The following TYMP variants were observed in gnomAD, a reference collection of about 807,000 sequenced individuals.
The protein encoded by TYMP is gliostatin.
In TYMP, 46 loss-of-function variants were observed where a neutral mutation model predicts 42.3. The ratio of observed to expected loss-of-function variants is 1.09; its 90% CI spans 0.86 to 1.39. The LOEUF (loss-of-function observed/expected upper bound fraction) is 1.39, where lower values mean the gene tolerates loss of function less well. Among genes scored for constraint, TYMP ranks in the 40% most tolerant of loss-of-function variants. The pLI is 0.00. For synonymous variants in TYMP, 363 were observed against 308.0 expected (o/e 1.18, Z -1.87); for missense variants, 837 against 677.6 (o/e 1.24, Z -2.61).
chr22:50,529,173 A>C lies in TYMP; in HGVS notation c.380T>G (p.Leu127Arg). 6.2e-7 allele frequency: 1 copy of C among 1,613,306 alleles called. No individual in the cohort carries two copies. Among genetic ancestry groups the C allele is most frequent in the Non-Finnish European group, 8.5e-7 (1 of 1,180,000 alleles). Residue 127 changes from leucine to arginine, a missense_variant, in exon 3 of 10, where the codon CTG becomes CGG. Transcript: ENST00000252029. ...STGGVGDKVS[L>R]VLAPALAACG... ...TGCCGCCAGGGCAGGTGCGAGGACC[A>C]GGCTGACCTTGTCACCCACACCCCC... is the stretch of plus-strand genomic sequence containing the variant.
Position 50,526,686 on chromosome 22 carries a change from A to G in TYMP, c.818T>C (p.Met273Thr), listed in dbSNP as rs1374755652. The change falls in exon 7 of 10, where the codon ATG (methionine) becomes ACG (threonine). Residue 273 changes from methionine to threonine, a missense_variant. Met to Thr is a moderately conservative substitution (Grantham distance 81, BLOSUM62 -1). Transcript: ENST00000252029. The stretch of plus-strand genomic sequence containing the variant: ...CACGCAGCGACCCAGGGGCTTGTCC[A>G]TGGCGGTCAGCGCTGCCGCGACCCG... ...GLRVAAALTA[M>T]DKPLGRCVGH... 5 of 1,546,438 alleles carry G rather than the reference A, an allele frequency of 3.2e-6. No homozygotes were observed. Among genetic ancestry groups the G allele is most frequent in the East Asian group, 2.4e-5 (1 of 41,298 alleles).
chr22:50,526,270 C>T lies in TYMP; in HGVS notation c.1135G>A (p.Glu379Lys), dbSNP rs753745471. 24 of 1,542,462 alleles carry T rather than the reference C, an allele frequency of 1.6e-5. No individual in the cohort carries two copies. Among genetic ancestry groups the T allele is most frequent in the Non-Finnish European group, 2.0e-5 (23 of 1,154,858 alleles). The change falls in exon 8 of 10, where the codon GAG (glutamate) becomes AAG (lysine). Residue 379 changes from glutamate to lysine, a missense_variant. By Grantham distance (56) the Glu-to-Lys change is moderately conservative. Transcript: ENST00000252029. ...RQLLPRAREQ[E>K]ELLAPADGTV... ...CCATCTGCGGGCGCCAGCAGCTCCT[C>T]CTGCTCCCGGGCGCGAGGCAGCAGC...
intron 8 of TYMP, 49 bp downstream of exon 8, chr22:50,526,197 G>A (rs989792811): frequency 2.7e-6 from 4 of 1,485,224 alleles, no homozygotes; most frequent in African/African-American, 1.5e-5. Flanking sequence ...GCCTCGGGAA[G>A]GGAAGGGGAT....
At chr22:50,527,053 A>G (rs1163791540) in intron 6 of TYMP, 112 bp downstream of exon 6, 10 of 896,468 alleles carry the variant, frequency 1.1e-5, no homozygotes, top group African/African-American at 3.3e-5. Context: ...AGAGGGTGGG[A>G]CTGGGGTTAG....
At position 50,526,653 on chromosome 22, in the gene TYMP, G is replaced by A. The variant is rs888768135; in HGVS notation, c.851C>T (p.Ala284Val). ...GAGCAGCGCCTCCTCCACCTCCAGGGCGTGGCCCACGCAGCGACCCAGGGG... is the reference window on the plus strand; with the variant it reads ...GAGCAGCGCCTCCTCCACCTCCAGGACGTGGCCCACGCAGCGACCCAGGGG... Reference protein sequence around the residue: ...DKPLGRCVGHALEVEEALLCM... With the variant: ...DKPLGRCVGHVLEVEEALLCM... The change falls in exon 7 of 10, where the codon GCC (alanine) becomes GTC (valine). Residue 284 changes from alanine (A) to valine (V), a missense_variant. Coordinates refer to ENST00000252029, the MANE Select transcript of TYMP (RefSeq NM_001953.5). 5 of 1,562,288 alleles carry A rather than the reference G, an allele frequency of 3.2e-6. No homozygotes were observed. Among genetic ancestry groups the A allele is most frequent in the Non-Finnish European group, 4.3e-6 (5 of 1,155,916 alleles).
Position 50,529,721 on chromosome 22 carries a change from T to C in TYMP, c.-10-2A>G. 1 of 1,603,848 alleles carries C rather than the reference T, an allele frequency of 6.2e-7. No individual in the cohort carries two copies. The highest frequency in any genetic ancestry group is 8.5e-7 in the Non-Finnish European group (1 of 1,176,010). On this transcript the variant is annotated splice_acceptor_variant, in intron 1 of 9. Transcript: ENST00000252029. LOFTEE classifies it low-confidence loss of function (5UTR_SPLICE). ...ATCAAGGCTGCCATCGCTCCGGGCCTGCGGGGATGCCTGACACGTCCGGGG... is the reference window on the plus strand; with the variant it reads ...ATCAAGGCTGCCATCGCTCCGGGCCCGCGGGGATGCCTGACACGTCCGGGG...
chr22:50,526,710 C>G lies in TYMP; in HGVS notation c.794G>C (p.Arg265Pro), dbSNP rs2069401085. The G allele has an allele frequency of 6.5e-7, 1 of 1,539,782 alleles. No homozygotes were observed. The highest frequency in any genetic ancestry group is 8.7e-7 in the Non-Finnish European group (1 of 1,147,382). Reference protein sequence around the residue: ...LVGVGASLGLRVAAALTAMDK... With the variant: ...LVGVGASLGLPVAAALTAMDK... Reference sequence around the variant, plus strand: ...CATGGCGGTCAGCGCTGCCGCGACCCGAAGCCCTAGGCTGGCTCCCACGCC... The same window carrying G: ...CATGGCGGTCAGCGCTGCCGCGACCGGAAGCCCTAGGCTGGCTCCCACGCC... The change falls in exon 7 of 10, where the codon CGG becomes CCG. Residue 265 changes from arginine (R) to proline (P), a missense_variant. Physicochemically the swap from Arg to Pro is moderately radical, Grantham distance 103. Transcript: ENST00000252029.
intron 4 of TYMP, chr22:50,528,148 A>G (rs979725645): frequency 1.3e-5 from 5 of 388,348 alleles, no homozygotes; most frequent in Admixed American, 1.1e-4. Flanking sequence ...AGTAGCTGGA[A>G]CCACATGCGT....
rs766401914 is a variant in TYMP at position 50,529,315 on chromosome 22, G to A, written c.238C>T (p.Leu80Phe). 5.6e-6 allele frequency: 9 copies of A among 1,613,304 alleles called. No individual in the cohort carries two copies. The highest frequency in any genetic ancestry group is 7.6e-6 in the Non-Finnish European group (9 of 1,180,020). Reference protein sequence around the residue: ...QIGAMLMAIRLRGMDLEETSV... With the variant: ...QIGAMLMAIRFRGMDLEETSV... ...GTCTCCTCCAGATCCATGCCCCGAA[G>A]TCGGATGGCCATCAGCATGGCCCCT... Residue 80 changes from leucine (L) to phenylalanine (F), a missense_variant, in exon 3 of 10, where the codon CTT becomes TTT. Physicochemically the swap from Leu to Phe is conservative, Grantham distance 22 (BLOSUM62 0). Coordinates refer to ENST00000252029, the MANE Select transcript of TYMP (RefSeq NM_001953.5).
Position 50,525,760 on chromosome 22 carries a change from C to T in TYMP, c.*10G>A, listed in dbSNP as rs369012029. On this transcript the variant is annotated 3_prime_UTR_variant, in exon 10 of 10. Transcript: ENST00000252029. Reference sequence around the variant, plus strand: ...CCCAAGCACTGACAAGGTTTCGCGGCAAAGGAGCTTTATTGCTGCGGCGGC... The same window carrying T: ...CCCAAGCACTGACAAGGTTTCGCGGTAAAGGAGCTTTATTGCTGCGGCGGC... The T allele has an allele frequency of 1.5e-4, 244 of 1,610,126 alleles. No homozygotes were observed. The highest frequency in any genetic ancestry group is 5.0e-4 in the Middle Eastern group (3 of 6,018).
At position 50,527,578 on chromosome 22, in the gene TYMP, G is replaced by A. The variant is rs1415980268; in HGVS notation, c.646+10C>T. On this transcript the variant is annotated intron_variant, in intron 5 of 9. Transcript: ENST00000252029. ...TGAACATGCAGAAGCAGGCCATGGAGTCAGGTCACCTGTGATGAGTGGCAG... is the reference window on the plus strand; with the variant it reads ...TGAACATGCAGAAGCAGGCCATGGAATCAGGTCACCTGTGATGAGTGGCAG... 2.5e-6 allele frequency: 4 copies of A among 1,613,984 alleles called. No homozygotes were observed. Among genetic ancestry groups the A allele is most frequent in the East Asian group, 2.2e-5 (1 of 44,880 alleles).
Position 50,526,059 on chromosome 22 carries a change from C to G in TYMP, c.1242G>C (p.Pro414=). Residue 414 remains proline, a synonymous_variant, in exon 9 of 10, where the codon CCG becomes CCC. Coordinates refer to ENST00000252029, the MANE Select transcript of TYMP (RefSeq NM_001953.5). ...LGAGRSRAGE[P]LRLGVGAELL... ...GCTCTGCGCCCACCCCCAGGCGGAG[C>G]GGCTCCCCAGCGCGGCTGCGCCCGG... The G allele has an allele frequency of 6.7e-7, 1 of 1,482,380 alleles. No individual in the cohort carries two copies. The highest frequency in any genetic ancestry group is 8.9e-7 in the Non-Finnish European group (1 of 1,124,164). The allele number at this position is 1,482,380 out of a possible 1,614,324, so 91.8% of individuals were successfully genotyped here. A position where few individuals can be genotyped will look rare whatever the true frequency, so the allele number is the denominator to read the frequency against.
At chr22:50,527,139 G>A (rs371776314) in intron 6 of TYMP, 26 bp downstream of exon 6, 6 of 1,581,200 alleles carry the variant, frequency 3.8e-6, no homozygotes, top group Non-Finnish European at 8.7e-7. Flanking sequence ...CAAGACGCTT[G>A]CCCAGGGAAA....
rs183160819 is a variant in TYMP at position 50,525,973 on chromosome 22, G to A, written c.1300+28C>T. Reference sequence around the variant, plus strand: ...GCGGCCGGAGCTGGGCGGGGGTGCGGGGCCAGCAGGGCGGGGGCGGCGCTC... The same window carrying A: ...GCGGCCGGAGCTGGGCGGGGGTGCGAGGCCAGCAGGGCGGGGGCGGCGCTC... On this transcript the variant is annotated intron_variant, in intron 9 of 9. Transcript: ENST00000252029. 2.7e-3 allele frequency: 3,687 copies of A among 1,385,726 alleles called. 74 individuals are homozygous for A. The African/African-American group carries it at 0.045, about 17-fold the overall frequency. 85.8% of individuals were successfully genotyped at this position (1,385,726 alleles called of 1,614,324 possible). A position where few individuals can be genotyped will look rare whatever the true frequency, so the allele number is the denominator to read the frequency against.
At chr22:50,526,212 G>A (rs931790720) in intron 8 of TYMP, 34 bp downstream of exon 8, 10 of 1,499,240 alleles carry the variant, frequency 6.7e-6, no homozygotes, top group African/African-American at 1.4e-5. Flanking sequence ...GGGGATGGCG[G>A]AGGCGGAAGG....
intron 4 of TYMP, 166 bp from the exon 5 acceptor site, chr22:50,527,883 C>T (rs1603441959): frequency 3.9e-6 from 3 of 770,628 alleles, no homozygotes; most frequent in Non-Finnish European, 4.1e-6. Flanking sequence ...TTAAGTGATC[C>T]TCCCACCTCA....
Position 50,529,186 on chromosome 22 carries a change from C to A in TYMP, c.367G>T (p.Asp123Tyr). Residue 123 changes from aspartate to tyrosine, a missense_variant, in exon 3 of 10, where the codon GAC (aspartate) becomes TAC (tyrosine). Coordinates refer to ENST00000252029, the MANE Select transcript of TYMP (RefSeq NM_001953.5). ...VDKHSTGGVG[D>Y]KVSLVLAPAL... ...GGTGCGAGGACCAGGCTGACCTTGTCACCCACACCCCCTGTGGAATGCTTG... is the reference window on the plus strand; with the variant it reads ...GGTGCGAGGACCAGGCTGACCTTGTAACCCACACCCCCTGTGGAATGCTTG... The A allele has an allele frequency of 6.2e-7, 1 of 1,613,324 alleles. No homozygotes were observed. Among genetic ancestry groups the A allele is most frequent in the Non-Finnish European group, 8.5e-7 (1 of 1,180,014 alleles).
At chr22:50,529,852 G>A (rs1349994340) in intron 1 of TYMP, 52 bp downstream of exon 1, 4 of 772,216 alleles carry the variant, frequency 5.2e-6, no homozygotes, top group Non-Finnish European at 8.2e-6. Flanking sequence ...TGTCGCCCTC[G>A]TCCGTGTCTG....
chr22:50,526,563 C>A lies in TYMP; in HGVS notation c.928+13G>T, dbSNP rs1355827372. The A allele has an allele frequency of 1.3e-6, 2 of 1,563,624 alleles. No individual in the cohort carries two copies. The highest frequency in any genetic ancestry group is 1.4e-5 in the African/African-American group (1 of 73,770). On this transcript the variant is annotated intron_variant, in intron 7 of 9. Transcript: ENST00000252029. The stretch of plus-strand genomic sequence containing the variant: ...CCCGCCGCCTCCGCTCCCCTACACC[C>A]CGTCCCCCTCACCGAGCGTGGTGAC...
Sources: allele counts gnomAD v4.1 joint callset, GRCh38; gene constraint gnomAD v4.1.1; transcripts MANE v1.5; gene names NCBI Gene and HGNC (gene_info 2026-07-23, HGNC 2026-07-21).